The following PDE1C variants were observed in gnomAD, a reference collection of about 807,000 sequenced individuals.
The protein encoded by PDE1C is phosphodiesterase 1C.
In PDE1C, 62 loss-of-function variants were observed where a neutral mutation model predicts 93.1. That is an observed-to-expected ratio of 0.67 (90% CI 0.54 to 0.82). PDE1C has a LOEUF of 0.82. PDE1C is among the 40% of genes least tolerant of loss of function. PDE1C has a pLI of 0.00. For synonymous variants in PDE1C, 325 were observed against 310.1 expected (o/e 1.05, Z -0.50); for missense variants, 742 against 884.6 (o/e 0.84, Z 2.04).
upstream of PDE1C, among the ~76,000 whole-genome samples, chr7:32,301,359 G>A (rs984607612): frequency 1.3e-4 from 19 of 145,138 alleles, 1 homozygote; most frequent in Middle Eastern, 6.4e-3. Context: ...TTTTCCTTGC[G>A]TAAGTGAGTG....
chr7:32,208,699 G>A (rs12534148), intron 2 of PDE1C, among the ~76,000 whole-genome samples: 29,966 of 151,842 alleles, frequency 0.2, 3,314 homozygotes, highest in Non-Finnish European at 0.25. Context: ...ACCCTCATCC[G>A]TCTCTAGTAT....
At chr7:31,990,771 C>G (rs900626348) in intron 2 of PDE1C, among the ~76,000 whole-genome samples, 5 of 152,094 alleles carry the variant, frequency 3.3e-5, no homozygotes, top group African/African-American at 1.2e-4. Flanking sequence ...AATTCAGCTT[C>G]AAGATTAAAT....
intron 2 of PDE1C, among the ~76,000 whole-genome samples, chr7:32,037,219 A>G (rs142268950): frequency 2.0e-5 from 3 of 152,250 alleles, no homozygotes; most frequent in African/African-American, 7.2e-5. Context: ...GGCCATTCTG[A>G]CAGACAAGTG....
the PDE1C span, chr7:31,642,829 A>T: frequency 6.2e-7 from 1 of 1,613,872 alleles, no homozygotes; most frequent in Non-Finnish European, 8.5e-7. Context: ...GTCTTTTTCA[A>T]GCCAAGAAGC....
At chr7:31,768,326 T>A (rs1320969256) in intron 17 of PDE1C, among the ~76,000 whole-genome samples, 1 of 152,170 alleles carries the variant, frequency 6.6e-6, no homozygotes, top group African/African-American at 2.4e-5. Context: ...GCACTCTCCT[T>A]GGGGTCTGTA....
chr7:31,748,903 A>G (rs886438522), downstream of PDE1C, among the ~76,000 whole-genome samples: 3 of 152,218 alleles, frequency 2.0e-5, no homozygotes, highest in Admixed American at 6.5e-5. Flanking sequence ...CAAAGAGAAT[A>G]TAATTGATCA....
chr7:31,891,805 T>TACACACACACAC (rs70989620), intron 2 of PDE1C, among the ~76,000 whole-genome samples: 69 of 146,138 alleles, frequency 4.7e-4, no homozygotes, highest in African/African-American at 1.6e-3. Flanking sequence ...AATGCATTCA[T>TACACACACACAC]ACACACACAC....
chr7:32,230,190 G>T (rs1313948416), intron 1 of PDE1C, among the ~76,000 whole-genome samples: 2 of 152,172 alleles, frequency 1.3e-5, no homozygotes, highest in African/African-American at 4.8e-5. Context: ...CCCTGCACAA[G>T]CCTTCCTGGC....
At chr7:32,059,356 T>A (rs1336965497) in intron 1 of PDE1C, among the ~76,000 whole-genome samples, 2 of 152,132 alleles carry the variant, frequency 1.3e-5, no homozygotes, top group Non-Finnish European at 2.9e-5. Flanking sequence ...GGCCAGGCAG[T>A]GGAAAGTAGA....
chr7:32,289,587 T>C (rs1445920180), intron 1 of PDE1C, among the ~76,000 whole-genome samples: 4 of 152,176 alleles, frequency 2.6e-5, no homozygotes, highest in Non-Finnish European at 4.4e-5. Flanking sequence ...AAATGAAATA[T>C]GTAATTCAGC....
chr7:32,048,800 T>C (rs1490975688), intron 2 of PDE1C, among the ~76,000 whole-genome samples: 8 of 152,180 alleles, frequency 5.3e-5, no homozygotes, highest in Non-Finnish European at 1.0e-4. Context: ...TCATTAAAAA[T>C]AGAAGAGCTC....
At chr7:32,050,415 C>T (rs767372787) in intron 2 of PDE1C, among the ~76,000 whole-genome samples, 2 of 152,056 alleles carry the variant, frequency 1.3e-5, no homozygotes, top group Non-Finnish European at 2.9e-5. Flanking sequence ...TAAAAGAGGT[C>T]ATGGGAGACC....
chr7:32,084,498 A>C (rs10240754), intron 3 of PDE1C, among the ~76,000 whole-genome samples: 1 of 146,080 alleles, frequency 6.8e-6, no homozygotes, highest in Non-Finnish European at 1.5e-5. Context: ...TGCACCAAGC[A>C]GACCTAATAG....
chr7:31,924,193 T>C (rs142845558), intron 2 of PDE1C, among the ~76,000 whole-genome samples: 1 of 152,350 alleles, frequency 6.6e-6, no homozygotes, highest in Non-Finnish European at 1.5e-5. Flanking sequence ...TGTATGGATT[T>C]CCTTCATTCT....
intron 1 of PDE1C, among the ~76,000 whole-genome samples, chr7:32,226,617 C>T (rs1807294576): frequency 6.6e-6 from 1 of 152,178 alleles, no homozygotes; most frequent in Admixed American, 6.5e-5. Flanking sequence ...GGGATGTCCA[C>T]AGAAAAGCAC....
intron 1 of PDE1C, among the ~76,000 whole-genome samples, chr7:32,065,977 G>T (rs17160855): frequency 0.04 from 6,126 of 152,304 alleles, 148 homozygotes; most frequent in Middle Eastern, 0.075. Context: ...CTGACCCAGG[G>T]ATTCCCACTC....
chr7:32,113,929 T>G (rs55927329), intron 3 of PDE1C, among the ~76,000 whole-genome samples: 15,553 of 152,074 alleles, frequency 0.1, 1,179 homozygotes, highest in East Asian at 0.21. Context: ...ACAAGGGATG[T>G]GAAGGAATTC....
intron 2 of PDE1C, among the ~76,000 whole-genome samples, chr7:31,964,315 C>T (rs2129037526): frequency 6.6e-6 from 1 of 152,352 alleles, no homozygotes; most frequent in East Asian, 1.9e-4. Context: ...TTATACCCCA[C>T]ACCTGGCTTG....
At chr7:31,988,912 T>C (rs1194337103) in intron 2 of PDE1C, among the ~76,000 whole-genome samples, 3 of 149,212 alleles carry the variant, frequency 2.0e-5, no homozygotes, top group African/African-American at 7.4e-5. Context: ...GGAGAATCAC[T>C]TGAACCCAGG....
Sources: allele counts gnomAD v4.1 joint callset (sites outside exome capture counted in the v4.1 genomes callset), GRCh38; gene constraint gnomAD v4.1.1; transcripts MANE v1.5; gene names NCBI Gene and HGNC (gene_info 2026-07-23, HGNC 2026-07-21).